The following POLE2 variants were observed in gnomAD, a reference collection of about 807,000 sequenced individuals.
POLE2 encodes the protein DNA polymerase epsilon subunit 2.
Under a neutral mutation model 79.4 loss-of-function variants are expected in POLE2, and 56 were observed. That is an observed-to-expected ratio of 0.71 (90% CI 0.57 to 0.88). The LOEUF (loss-of-function observed/expected upper bound fraction) is 0.88, where lower values mean the gene tolerates loss of function less well. Ranked by LOEUF, POLE2 falls within the 40% of genes least tolerant of loss-of-function variation. The pLI is 0.00. For missense variants in POLE2, 598 were observed against 638.9 expected, an observed-to-expected ratio of 0.94 and a Z score of 0.69; for synonymous variants, 212 against 214.0, an observed-to-expected ratio of 0.99 and a Z score of 0.08.
intron 3 of POLE2, among the ~76,000 whole-genome samples, chr14:49,678,684 T>C (rs1207016907): frequency 6.6e-6 from 1 of 151,990 alleles, no homozygotes; most frequent in Non-Finnish European, 1.5e-5. Context: ...TGAGACAGAG[T>C]CTCACTCTGT....
chr14:49,648,151 TA>T (rs1178147317), intron 17 of POLE2, among the ~76,000 whole-genome samples: 1 of 152,226 alleles, frequency 6.6e-6, no homozygotes, highest in Non-Finnish European at 1.5e-5. Context: ...TAATCACACA[TA>T]CAATTGTTTG....
rs146086240 is a variant in POLE2 at position 49,647,366 on chromosome 14, G to A, written c.1498-6C>T. The A allele has an allele frequency of 8.5e-5, 129 of 1,518,532 alleles. No homozygotes were observed. The East Asian group carries it at 1.8e-3, about 22-fold the overall frequency. 94.1% of individuals were successfully genotyped at this position (1,518,532 alleles called of 1,614,324 possible). A position where few individuals can be genotyped will look rare whatever the true frequency, so the allele number is the denominator to read the frequency against. ...CCACTTCTTGGAAAAGAGCCCTTTG[G>A]GGGAGAAAAATGCCTGTAAGTGAAT... On this transcript the variant is annotated splice_polypyrimidine_tract_variant and splice_region_variant and intron_variant, in intron 17 of 18. Transcript: ENST00000216367.
At chr14:49,651,429 A>C in intron 15 of POLE2, 52 bp from the exon 16 acceptor site, 1 of 780,608 alleles carries the variant, frequency 1.3e-6, no homozygotes. Context: ...AATGATATTA[A>C]TTTTAAAGGT....
intron 1 of POLE2, among the ~76,000 whole-genome samples, chr14:49,685,111 CAAT>C (rs1230358656): frequency 6.6e-6 from 1 of 152,168 alleles, no homozygotes; most frequent in East Asian, 1.9e-4. Context: ...TACCTCACAT[CAAT>C]ATTATTGCTG....
At chr14:49,671,101 A>G (rs971043887) in intron 5 of POLE2, among the ~76,000 whole-genome samples, 2 of 152,250 alleles carry the variant, frequency 1.3e-5, no homozygotes, top group Non-Finnish European at 2.9e-5. Flanking sequence ...TATTTCACAG[A>G]TGAATAAACG....
intron 17 of POLE2, among the ~76,000 whole-genome samples, chr14:49,648,414 T>C (rs1257590302): frequency 6.6e-6 from 1 of 152,060 alleles, no homozygotes; most frequent in East Asian, 1.9e-4. Context: ...AATTCAGAAA[T>C]AAGGTATATT....
chr14:49,674,805 A>T (rs1009949126), intron 3 of POLE2, among the ~76,000 whole-genome samples: 4 of 152,050 alleles, frequency 2.6e-5, no homozygotes, highest in Non-Finnish European at 4.4e-5. Context: ...ACCTCAGGAA[A>T]TCCACTCACC....
intron 10 of POLE2, among the ~76,000 whole-genome samples, chr14:49,659,339 G>A (rs548831858): frequency 6.0e-4 from 91 of 152,042 alleles, no homozygotes; most frequent in African/African-American, 2.0e-3. Flanking sequence ...AGGAATTTGA[G>A]GTTGCAGTGA....
intron 3 of POLE2, among the ~76,000 whole-genome samples, chr14:49,675,999 G>C (rs535712502): frequency 1.5e-4 from 23 of 152,078 alleles, no homozygotes; most frequent in African/African-American, 5.1e-4. Flanking sequence ...TGAGCTGCCT[G>C]CCTTGGCCTC....
intron 9 of POLE2, 48 bp from the exon 10 acceptor site, chr14:49,663,435 A>C (rs1349951056): frequency 3.1e-6 from 4 of 1,282,796 alleles, no homozygotes. Context: ...TCTATGTTTG[A>C]AAGGACAAAA....
chr14:49,647,151 G>A (rs995963131), intron 18 of POLE2, 142 bp downstream of exon 18: 45 of 540,244 alleles, frequency 8.3e-5, no homozygotes, highest in Non-Finnish European at 1.3e-4. Flanking sequence ...CAGCATAACC[G>A]TGATAAGCTC....
chr14:49,656,131 G>A (rs1439487064), intron 10 of POLE2, among the ~76,000 whole-genome samples: 10 of 152,084 alleles, frequency 6.6e-5, no homozygotes, highest in African/African-American at 2.2e-4. Flanking sequence ...CGAGGCGGGC[G>A]GATCACGAGG....
At chr14:49,673,297 G>A (rs901004162) in intron 5 of POLE2, among the ~76,000 whole-genome samples, 1 of 152,122 alleles carries the variant, frequency 6.6e-6, no homozygotes, top group African/African-American at 2.4e-5. Context: ...GGCTGCGACC[G>A]AGTTTCTCTG....
Position 49,654,744 on chromosome 14 carries a change from G to A in POLE2, c.1073+40C>T, listed in dbSNP as rs1166089027. ...AATTCATTTTTTGTTTTTTTTTTAAGTAAAACGGTGAAAAAATATATAGTG... is the reference window on the plus strand; with the variant it reads ...AATTCATTTTTTGTTTTTTTTTTAAATAAAACGGTGAAAAAATATATAGTG... On this transcript the variant is annotated intron_variant, in intron 13 of 18. Coordinates refer to ENST00000216367, the MANE Select transcript of POLE2 (RefSeq NM_002692.4). The A allele has an allele frequency of 3.5e-6, 5 of 1,445,554 alleles. No individual in the cohort carries two copies. In the East Asian group the frequency reaches 1.1e-4, roughly 32 times the overall value. 89.5% of individuals were successfully genotyped at this position (1,445,554 alleles called of 1,614,324 possible). A position where few individuals can be genotyped will look rare whatever the true frequency, so the allele number is the denominator to read the frequency against.
chr14:49,666,396 G>T lies in POLE2; in HGVS notation c.510C>A (p.Thr170=). Residue 170 remains threonine, a synonymous_variant, in exon 7 of 19, where the codon ACC becomes ACA. Transcript: ENST00000216367. Reference sequence around the variant, plus strand: ...CGATTTTGGTTGTACTACCCAATAAGGTTTCTATTGTTTTAAGCTAAAATA... The same window carrying T: ...CGATTTTGGTTGTACTACCCAATAATGTTTCTATTGTTTTAAGCTAAAATA... ...GSKFQLKTIE[T]LLGSTTKIGD... 6.8e-7 allele frequency: 1 copy of T among 1,462,928 alleles called. No homozygotes were observed. Among genetic ancestry groups the T allele is most frequent in the South Asian group, 1.3e-5 (1 of 75,120 alleles). 90.6% of individuals were successfully genotyped at this position (1,462,928 alleles called of 1,614,324 possible). A position where few individuals can be genotyped will look rare whatever the true frequency, so the allele number is the denominator to read the frequency against.
chr14:49,661,066 G>A (rs747640227), intron 10 of POLE2, among the ~76,000 whole-genome samples: 2 of 151,978 alleles, frequency 1.3e-5, no homozygotes, highest in African/African-American at 2.4e-5. Flanking sequence ...GACTACAACC[G>A]CATGCCACCA....
Position 49,655,826 on chromosome 14 carries a change from A to G in POLE2, c.773T>C (p.Ile258Thr), listed in dbSNP as rs1229858055. ...ATTAGAAGGACCTCCAAAAAAATTA[A>G]TATTTCCATAGTATGCCCTAGATAA... ...SSTTRAYYGN[I>T]NFFGGPSNTS... Residue 258 changes from isoleucine to threonine, a missense_variant, in exon 11 of 19, where the codon ATT becomes ACT. Physicochemically the swap from Ile to Thr is moderately conservative, Grantham distance 89 (BLOSUM62 -1). Transcript: ENST00000216367. 6 of 1,524,960 alleles carry G rather than the reference A, an allele frequency of 3.9e-6. No homozygotes were observed. Among genetic ancestry groups the G allele is most frequent in the East Asian group, 4.5e-5 (2 of 44,276 alleles). 94.5% of individuals were successfully genotyped at this position (1,524,960 alleles called of 1,614,324 possible).
Position 49,655,659 on chromosome 14 carries a change from A to C in POLE2, c.928+12T>G, listed in dbSNP as rs1884608368. 6.3e-7 allele frequency: 1 copy of C among 1,586,388 alleles called. No homozygotes were observed. Among genetic ancestry groups the C allele is most frequent in the Non-Finnish European group, 8.6e-7 (1 of 1,168,164 alleles). On this transcript the variant is annotated intron_variant, in intron 11 of 18. Transcript: ENST00000216367. ...AAAGAGTTCAAGAAAGAAGAAAAAA[A>C]ATAAGACCTACCAGCAAACATTATG... is the stretch of plus-strand genomic sequence containing the variant.
chr14:49,687,674 A>C (rs1243983949), intron 1 of POLE2, among the ~76,000 whole-genome samples: 2 of 151,934 alleles, frequency 1.3e-5, no homozygotes, highest in Non-Finnish European at 2.9e-5. Context: ...AAACCAAAGA[A>C]GGCACGGCAG....
Sources: gnomAD v4.1 joint callset for allele counts (sites outside exome capture counted in the v4.1 genomes callset) on GRCh38, gnomAD v4.1.1 for gene constraint, MANE v1.5 for transcripts, NCBI Gene and HGNC (gene_info 2026-07-23, HGNC 2026-07-21) for gene names.